Variants in RTL4 observed in about 807,000 individuals in gnomAD.
The protein encoded by RTL4 is retrotransposon Gag like 4.
Under a neutral mutation model 5.3 loss-of-function variants are expected in RTL4, and 4 were observed. The observed-to-expected ratio is 0.75, with a 90% confidence interval of 0.37 to 1.72. RTL4 has a LOEUF of 1.72. Ranked by LOEUF, RTL4 falls within the 40% of genes most tolerant of loss-of-function variation. The pLI is 0.04. For missense variants in RTL4, 260 were observed against 227.1 expected, an observed-to-expected ratio of 1.14 and a Z score of -0.93; for synonymous variants, 98 against 87.3, an observed-to-expected ratio of 1.12 and a Z score of -0.68.
chrX:112,290,881 G>A, the RTL4 span, among the ~76,000 whole-genome samples: 2 of 112,025 alleles, frequency 1.8e-5, no homozygotes, highest in Non-Finnish European at 3.8e-5. Context: ...TTGGGAGAAG[G>A]AAGCTGAGAT....
the RTL4 span, among the ~76,000 whole-genome samples, chrX:112,114,023 A>G: frequency 2.7e-5 from 3 of 111,486 alleles, no homozygotes; most frequent in African/African-American, 9.8e-5. Flanking sequence ...CTTTTTCCTG[A>G]TATCTGTGGC....
the RTL4 span, among the ~76,000 whole-genome samples, chrX:112,202,430 G>A: frequency 9.7e-3 from 1,072 of 110,381 alleles, 11 homozygotes; most frequent in Non-Finnish European, 0.015. Flanking sequence ...AAGCTGGTAT[G>A]GAAATCTGTA....
chrX:112,226,763 A>T, the RTL4 span, among the ~76,000 whole-genome samples: 3 of 87,181 alleles, frequency 3.4e-5, no homozygotes, highest in South Asian at 1.3e-3. Context: ...CGCATCCTCA[A>T]TTATTTGATA....
chrX:112,238,399 A>G, the RTL4 span, among the ~76,000 whole-genome samples: 4 of 111,849 alleles, frequency 3.6e-5, no homozygotes, highest in African/African-American at 1.3e-4. Flanking sequence ...ATTGATATAT[A>G]CAGATCTAGT....
chrX:112,228,390 G>T, the RTL4 span, among the ~76,000 whole-genome samples: 4 of 111,610 alleles, frequency 3.6e-5, no homozygotes, highest in Admixed American at 9.5e-5. Flanking sequence ...ACACATGTGG[G>T]ATTATTTTTC....
At chrX:112,403,390 TCA>T in the RTL4 span, among the ~76,000 whole-genome samples, 11 of 112,245 alleles carry the variant, frequency 9.8e-5, no homozygotes, top group African/African-American at 3.6e-4. Flanking sequence ...ATCTCTTTTT[TCA>T]CAGATGCTTC....
chrX:112,133,935 T>C, the RTL4 span, among the ~76,000 whole-genome samples: 1 of 111,844 alleles, frequency 8.9e-6, no homozygotes, highest in African/African-American at 3.2e-5. Flanking sequence ...AATTTCTTCT[T>C]TCCTAATCCA....
the RTL4 span, among the ~76,000 whole-genome samples, chrX:112,334,493 C>G: frequency 1.4e-4 from 16 of 111,494 alleles, no homozygotes; most frequent in Non-Finnish European, 2.8e-4. Context: ...CATGTCAGCA[C>G]TCAGAAAAAT....
At chrX:112,173,438 G>C in the RTL4 span, among the ~76,000 whole-genome samples, 2 of 111,001 alleles carry the variant, frequency 1.8e-5, no homozygotes, top group African/African-American at 6.6e-5. Flanking sequence ...TGTGGCCTTG[G>C]GAAAGTTACT....
At chrX:112,234,069 G>A in the RTL4 span, among the ~76,000 whole-genome samples, 1 of 110,226 alleles carries the variant, frequency 9.1e-6, no homozygotes, top group African/African-American at 3.3e-5. Flanking sequence ...GCGGGTGCCT[G>A]TAGTCCCAGC....
the RTL4 span, among the ~76,000 whole-genome samples, chrX:112,380,306 C>T: frequency 2.1e-4 from 23 of 110,236 alleles, no homozygotes; most frequent in African/African-American, 7.6e-4. Flanking sequence ...ACCACCACAC[C>T]CAGCTAATTT....
chrX:112,235,016 T>C, the RTL4 span, among the ~76,000 whole-genome samples: 1 of 111,340 alleles, frequency 9.0e-6, no homozygotes, highest in African/African-American at 3.3e-5. Flanking sequence ...GAGCTTATGA[T>C]TCAGACATTC....
At chrX:112,236,729 T>C in the RTL4 span, among the ~76,000 whole-genome samples, 28,154 of 107,711 alleles carry the variant, frequency 0.26, 3,811 homozygotes, top group African/African-American at 0.52. Context: ...ATAGTAAAGC[T>C]GTACTGTTGT....
At chrX:112,315,003 T>C in the RTL4 span, among the ~76,000 whole-genome samples, 1 of 111,804 alleles carries the variant, frequency 8.9e-6, no homozygotes, top group Non-Finnish European at 1.9e-5. Flanking sequence ...TCATAGCCCA[T>C]CATTGGCCAT....
At chrX:112,137,153 A>G in the RTL4 span, among the ~76,000 whole-genome samples, 1 of 112,012 alleles carries the variant, frequency 8.9e-6, no homozygotes, top group East Asian at 2.8e-4. Context: ...TATTTAAAAA[A>G]AAAGAAACCC....
the RTL4 span, among the ~76,000 whole-genome samples, chrX:112,361,802 T>C: frequency 9.0e-6 from 1 of 111,216 alleles, no homozygotes; most frequent in East Asian, 2.8e-4. Flanking sequence ...TTTTGGTTAA[T>C]TGAAAATTGT....
the RTL4 span, among the ~76,000 whole-genome samples, chrX:112,329,222 TG>T: frequency 9.0e-6 from 1 of 110,974 alleles, no homozygotes; most frequent in Non-Finnish European, 1.9e-5. Flanking sequence ...ATCCAGGAGC[TG>T]GTTTTTTGAA....
At chrX:112,205,405 C>G in the RTL4 span, among the ~76,000 whole-genome samples, 1 of 111,218 alleles carries the variant, frequency 9.0e-6, no homozygotes, top group South Asian at 3.8e-4. Context: ...AATGTTGAAG[C>G]TATACAAATG....
chrX:112,096,327 T>A, the RTL4 span, among the ~76,000 whole-genome samples: 1 of 112,262 alleles, frequency 8.9e-6, no homozygotes, highest in Non-Finnish European at 1.9e-5. Flanking sequence ...GCTCTGATTA[T>A]ATTCACATAG....
Sources: gnomAD v4.1 joint callset for allele counts (sites outside exome capture counted in the v4.1 genomes callset) on GRCh38, gnomAD v4.1.1 for gene constraint, MANE v1.5 for transcripts, NCBI Gene and HGNC (gene_info 2026-07-23, HGNC 2026-07-21) for gene names.